Variants in PTPRD observed in about 807,000 individuals in gnomAD.
PTPRD encodes the protein receptor-type tyrosine-protein phosphatase delta.
A neutral mutation model predicts 214.5 loss-of-function variants in PTPRD; 34 were observed. The ratio of observed to expected loss-of-function variants is 0.16; its 90% CI spans 0.12 to 0.21. The LOEUF (loss-of-function observed/expected upper bound fraction) is 0.21. Among genes scored for constraint, PTPRD ranks in the 10% least tolerant of loss-of-function variants. The pLI, the probability that PTPRD is intolerant of heterozygous loss-of-function variation, is 1.00. For missense variants in PTPRD, 2,545 were observed against 2,398.7 expected, an observed-to-expected ratio of 1.06 and a Z score of -1.27; for synonymous variants, 1,128 against 845.7, an observed-to-expected ratio of 1.33 and a Z score of -5.79.
intron 12 of PTPRD, among the ~76,000 whole-genome samples, chr9:8,708,018 C>G (rs925650516): frequency 7.9e-5 from 12 of 152,302 alleles, no homozygotes; most frequent in African/African-American, 2.9e-4. Context: ...ACCTCACAGG[C>G]TAAGCTAGCT....
chr9:8,748,017 G>A (rs966146423), intron 11 of PTPRD, among the ~76,000 whole-genome samples: 1 of 152,054 alleles, frequency 6.6e-6, no homozygotes, highest in Non-Finnish European at 1.5e-5. Flanking sequence ...AAGATCTACC[G>A]CGGACCCCTG....
intron 10 of PTPRD, among the ~76,000 whole-genome samples, chr9:9,075,152 T>G (rs1019185469): frequency 7.2e-5 from 11 of 152,102 alleles, no homozygotes; most frequent in Non-Finnish European, 1.6e-4. Flanking sequence ...AAATTTTTAA[T>G]TTTTAATTTT....
At chr9:10,175,387 C>G (rs1035167665) in intron 3 of PTPRD, among the ~76,000 whole-genome samples, 1 of 151,970 alleles carries the variant, frequency 6.6e-6, no homozygotes, top group Admixed American at 6.6e-5. Context: ...CTCATCCTAT[C>G]AACAAGCAAA....
At chr9:9,726,419 T>G (rs1451281420) in intron 7 of PTPRD, among the ~76,000 whole-genome samples, 1 of 151,878 alleles carries the variant, frequency 6.6e-6, no homozygotes, top group Non-Finnish European at 1.5e-5. Flanking sequence ...AAATTATTTG[T>G]CTATACTCCA....
At position 8,499,767 on chromosome 9, in the gene PTPRD, T is replaced by A. The variant is rs1479756043; in HGVS notation, c.2202A>T (p.Ser734=). Residue 734 remains serine (S), a synonymous_variant, in exon 25 of 46, where the codon TCA becomes TCT. Transcript: ENST00000381196. ...GGCCATGCTGTTTATTGGGCACGGG[T>A]GAGCGCCATGAGACTTTAACAGATG... ...NSTSVKVSWR[S]PVPNKQHGQI... 2.5e-6 allele frequency: 4 copies of A among 1,614,048 alleles called. No individual in the cohort carries two copies. The highest frequency in any genetic ancestry group is 3.3e-5 in the Admixed American group (2 of 59,994).
At chr9:9,945,877 T>C (rs1372136629) in intron 4 of PTPRD, among the ~76,000 whole-genome samples, 4 of 152,212 alleles carry the variant, frequency 2.6e-5, no homozygotes, top group Admixed American at 2.6e-4. Context: ...CACAAATCTA[T>C]ACGTACCTGA....
chr9:8,628,029 T>A (rs1211550354), intron 14 of PTPRD, among the ~76,000 whole-genome samples: 1 of 151,912 alleles, frequency 6.6e-6, no homozygotes, highest in East Asian at 1.9e-4. Context: ...ACCATAATTG[T>A]CAGCACGTTT....
chr9:9,281,187 A>G (rs1483826007), intron 9 of PTPRD, among the ~76,000 whole-genome samples: 3 of 151,262 alleles, frequency 2.0e-5, no homozygotes, highest in Non-Finnish European at 3.0e-5. Context: ...AATCTGAATG[A>G]CCTTAGGTAT....
intron 10 of PTPRD, among the ~76,000 whole-genome samples, chr9:9,026,224 T>C (rs2099586659): frequency 6.6e-6 from 1 of 151,746 alleles, no homozygotes; most frequent in Non-Finnish European, 1.5e-5. Flanking sequence ...GAAAAAGCAA[T>C]AAATGTAAAG....
chr9:8,716,045 G>T (rs1236998343), intron 12 of PTPRD, among the ~76,000 whole-genome samples: 1 of 152,278 alleles, frequency 6.6e-6, no homozygotes, highest in East Asian at 1.9e-4. Flanking sequence ...GCTTCACATT[G>T]GGTAGCCACA....
chr9:8,679,984 C>T (rs2154371509), intron 12 of PTPRD, among the ~76,000 whole-genome samples: 1 of 152,270 alleles, frequency 6.6e-6, no homozygotes, highest in Non-Finnish European at 1.5e-5. Flanking sequence ...AAATTAATCT[C>T]ATTAAAATCC....
chr9:10,068,659 C>T (rs1291120023), intron 3 of PTPRD, among the ~76,000 whole-genome samples: 1 of 151,680 alleles, frequency 6.6e-6, no homozygotes, highest in African/African-American at 2.4e-5. Flanking sequence ...GGTGTAACCA[C>T]AAGAGCTTTT....
intron 11 of PTPRD, among the ~76,000 whole-genome samples, chr9:8,904,615 T>C (rs2098694837): frequency 6.8e-6 from 1 of 147,626 alleles, no homozygotes. Context: ...AAAGTTGCAG[T>C]GAGCTGAGAT....
At chr9:9,738,665 C>G (rs959567287) in intron 6 of PTPRD, among the ~76,000 whole-genome samples, 2 of 152,028 alleles carry the variant, frequency 1.3e-5, no homozygotes, top group East Asian at 3.9e-4. Context: ...TGGTCTCGAA[C>G]TCCTGACCTC....
chr9:8,363,918 T>C (rs1342150554), intron 39 of PTPRD, among the ~76,000 whole-genome samples: 4 of 152,250 alleles, frequency 2.6e-5, no homozygotes, highest in African/African-American at 9.6e-5. Context: ...GGTGTCACTT[T>C]ATACATTTCT....
intron 9 of PTPRD, among the ~76,000 whole-genome samples, chr9:9,391,772 C>A (rs2065916754): frequency 6.6e-6 from 1 of 152,128 alleles, no homozygotes; most frequent in Admixed American, 6.6e-5. Context: ...TGCCTCTAGT[C>A]ATAATAGAGG....
intron 11 of PTPRD, among the ~76,000 whole-genome samples, chr9:8,884,168 C>G (rs117824097): frequency 6.7e-4 from 102 of 152,328 alleles, no homozygotes; most frequent in Non-Finnish European, 1.0e-3. Flanking sequence ...AAACCTAGCT[C>G]CATCTGATTC....
At chr9:10,035,597 C>A (rs2097165925) in intron 3 of PTPRD, among the ~76,000 whole-genome samples, 1 of 151,898 alleles carries the variant, frequency 6.6e-6, no homozygotes, top group African/African-American at 2.4e-5. Flanking sequence ...ATTTCTGGCT[C>A]TTCTTACTTC....
intron 44 of PTPRD, among the ~76,000 whole-genome samples, chr9:8,321,523 A>ATATT (rs1828079754): frequency 7.6e-6 from 1 of 131,868 alleles, no homozygotes; most frequent in Non-Finnish European, 1.6e-5. Flanking sequence ...ATATATATAT[A>ATATT]TATAAAAGGT....
Sources: allele counts gnomAD v4.1 joint callset (sites outside exome capture counted in the v4.1 genomes callset), GRCh38; gene constraint gnomAD v4.1.1; transcripts MANE v1.5; gene names NCBI Gene and HGNC (gene_info 2026-07-23, HGNC 2026-07-21).